Variants in MGAT4C observed in about 807,000 individuals in gnomAD.
MGAT4C encodes alpha-1,3-mannosyl-glycoprotein 4-beta-N-acetylglucosaminyltransferase C.
A neutral mutation model predicts 40.1 loss-of-function variants in MGAT4C; 19 were observed. The observed-to-expected ratio is 0.47, with a 90% CI of 0.33 to 0.70. The LOEUF (loss-of-function observed/expected upper bound fraction) is 0.70. Among genes scored for constraint, MGAT4C ranks in the 30% least tolerant of loss-of-function variants. The pLI is 0.02. For synonymous variants in MGAT4C, 181 were observed against 187.1 expected, an observed-to-expected ratio of 0.97 and a Z score of 0.27; for missense variants, 491 against 563.2, an observed-to-expected ratio of 0.87 and a Z score of 1.30.
intron 2 of MGAT4C, among the ~76,000 whole-genome samples, chr12:86,618,548 A>C (rs749744941): frequency 2.6e-5 from 4 of 152,198 alleles, no homozygotes; most frequent in African/African-American, 9.7e-5. Flanking sequence ...ACTGGAGGTG[A>C]TTATGTTAAG....
At chr12:86,602,729 TA>T (rs1421139275) in intron 2 of MGAT4C, among the ~76,000 whole-genome samples, 1 of 152,170 alleles carries the variant, frequency 6.6e-6, no homozygotes, top group East Asian at 1.9e-4. Context: ...AATTATGTGG[TA>T]TTACTTTTAC....
intron 2 of MGAT4C, among the ~76,000 whole-genome samples, chr12:86,533,384 G>C (rs552494689): frequency 6.6e-6 from 1 of 151,948 alleles, no homozygotes; most frequent in African/African-American, 2.4e-5. Context: ...TGGAGAAGGA[G>C]TCACTTGGAT....
At chr12:86,183,785 G>A (rs1027185723) in intron 1 of MGAT4C, among the ~76,000 whole-genome samples, 16 of 152,122 alleles carry the variant, frequency 1.1e-4, no homozygotes, top group African/African-American at 2.7e-4. Flanking sequence ...TCTCTCTCTC[G>A]TTCTTCTTAT....
intron 1 of MGAT4C, among the ~76,000 whole-genome samples, chr12:86,811,923 T>C (rs1952484209): frequency 6.6e-6 from 1 of 152,244 alleles, no homozygotes; most frequent in Non-Finnish European, 1.5e-5. Context: ...TTGAGACTAG[T>C]CCTTGTCAGC....
At chr12:86,085,065 ACT>A (rs1339117169) in intron 1 of MGAT4C, among the ~76,000 whole-genome samples, 1 of 151,730 alleles carries the variant, frequency 6.6e-6, no homozygotes, top group Non-Finnish European at 1.5e-5. Flanking sequence ...AAAGCCATGC[ACT>A]CTCACAATTT....
chr12:86,446,386 T>C (rs768997113), intron 2 of MGAT4C, among the ~76,000 whole-genome samples: 2 of 151,842 alleles, frequency 1.3e-5, no homozygotes, highest in Non-Finnish European at 2.9e-5. Context: ...GAATACACCA[T>C]TATAGCACAG....
intron 4 of MGAT4C, among the ~76,000 whole-genome samples, chr12:86,307,367 C>G (rs1953960172): frequency 8.3e-6 from 1 of 120,958 alleles, no homozygotes; most frequent in African/African-American, 2.9e-5. Flanking sequence ...TTATTTTAAT[C>G]TTACTTAATA....
chr12:86,505,150 TA>T (rs1958449308), intron 2 of MGAT4C, among the ~76,000 whole-genome samples: 1 of 151,994 alleles, frequency 6.6e-6, no homozygotes, highest in Non-Finnish European at 1.5e-5. Flanking sequence ...CTAGAGAATC[TA>T]ATTCTGAACC....
intron 1 of MGAT4C, among the ~76,000 whole-genome samples, chr12:86,828,542 T>C (rs1259143883): frequency 6.6e-6 from 1 of 151,524 alleles, no homozygotes; most frequent in Non-Finnish European, 1.5e-5. Flanking sequence ...ACATTCATAA[T>C]GTGAATAGAG....
rs1000614988 is a variant in MGAT4C, at chr12:86,466,767, T to A, written c.-228-31502A>T. On this transcript the variant is annotated intron_variant, in intron 2 of 7. Coordinates refer to the MGAT4C transcript ENST00000548651. The stretch of plus-strand genomic sequence containing the variant: ...ACTGGGGATGCAGATAATTGAGGAG[T>A]CTATGCATGATTGGGGCAGGGAATA... 3.3e-5 allele frequency among the ~76,000 whole-genome samples: 5 copies of A among 152,158 alleles called. No homozygotes were observed. In the East Asian group the frequency reaches 9.7e-4, roughly 29 times the overall value.
At chr12:86,023,591 T>G (rs1240322197) in intron 2 of MGAT4C, among the ~76,000 whole-genome samples, 2 of 144,828 alleles carry the variant, frequency 1.4e-5, no homozygotes, top group African/African-American at 5.1e-5. Flanking sequence ...TTATATATAT[T>G]ATATAAATAC....
intron 2 of MGAT4C, among the ~76,000 whole-genome samples, chr12:86,607,360 A>G (rs1962078341): frequency 6.6e-6 from 1 of 152,086 alleles, no homozygotes; most frequent in African/African-American, 2.4e-5. Context: ...TAGTACTTGT[A>G]TTTTCTGATT....
At chr12:86,607,859 G>A (rs2136469896) in intron 2 of MGAT4C, among the ~76,000 whole-genome samples, 1 of 152,092 alleles carries the variant, frequency 6.6e-6, no homozygotes, top group East Asian at 1.9e-4. Context: ...AGGGTTGGGG[G>A]AGAAACACAT....
intron 2 of MGAT4C, among the ~76,000 whole-genome samples, chr12:86,692,109 C>T (rs1190197625): frequency 6.6e-6 from 1 of 151,804 alleles, no homozygotes; most frequent in African/African-American, 2.4e-5. Flanking sequence ...AATGGAAATG[C>T]AGAAAAGATT....
At chr12:86,043,929 T>C (rs1259787181) in intron 2 of MGAT4C, among the ~76,000 whole-genome samples, 1 of 152,218 alleles carries the variant, frequency 6.6e-6, no homozygotes, top group East Asian at 1.9e-4. Flanking sequence ...GTGGGTCATT[T>C]TGAGGTGAGA....
intron 2 of MGAT4C, among the ~76,000 whole-genome samples, chr12:86,045,359 C>G (rs1252832698): frequency 6.6e-6 from 1 of 152,210 alleles, no homozygotes; most frequent in Non-Finnish European, 1.5e-5. Context: ...TCTCTCTCCA[C>G]AAGTACTTCA....
chr12:86,603,523 GACTA>G (rs1565877947), intron 2 of MGAT4C, among the ~76,000 whole-genome samples: 1 of 22,634 alleles, frequency 4.4e-5, no homozygotes, highest in Non-Finnish European at 1.2e-4. Flanking sequence ...ATAGTCTATA[GACTA>G]TATATAGTCT....
chr12:86,313,649 G>A (rs1412796780), intron 4 of MGAT4C, among the ~76,000 whole-genome samples: 1 of 152,110 alleles, frequency 6.6e-6, no homozygotes, highest in African/African-American at 2.4e-5. Context: ...AAACAAATAT[G>A]CAATCAATAG....
intron 1 of MGAT4C, among the ~76,000 whole-genome samples, chr12:86,154,419 C>T (rs839131): frequency 0.37 from 55,954 of 151,932 alleles, 10,627 homozygotes; most frequent in African/African-American, 0.45. Context: ...CCCTCAGCTC[C>T]GGTGTAAGTC....
Sources: allele counts gnomAD v4.1 joint callset (sites outside exome capture counted in the v4.1 genomes callset), GRCh38; gene constraint gnomAD v4.1.1; transcripts MANE v1.5; gene names NCBI Gene and HGNC (gene_info 2026-07-23, HGNC 2026-07-21).